The following C8orf76 variants were observed in gnomAD, a reference collection of about 807,000 sequenced individuals.
C8orf76 encodes the protein uncharacterized protein C8orf76.
C8orf76 carries 46 observed loss-of-function variants against 38.1 expected under a neutral mutation model. That is an observed-to-expected ratio of 1.21 (90% confidence interval 0.95 to 1.54). The LOEUF (loss-of-function observed/expected upper bound fraction) is 1.54, where lower values mean the gene tolerates loss of function less well. C8orf76 is among the 40% of genes most tolerant of loss of function. The probability of loss-of-function intolerance (pLI) is 0.00; values close to 1 mark genes in which losing one functional copy is unlikely to be tolerated. For missense variants in C8orf76, 461 were observed against 441.6 expected, an observed-to-expected ratio of 1.04 and a Z score of -0.39; for synonymous variants, 166 against 167.5, an observed-to-expected ratio of 0.99 and a Z score of 0.07.
At chr8:123,224,704 A>C (rs1020303392) in intron 5 of C8orf76, among the ~76,000 whole-genome samples, 2 of 152,272 alleles carry the variant, frequency 1.3e-5, no homozygotes, top group African/African-American at 4.8e-5. Flanking sequence ...AAAAAGCTCC[A>C]CTGGTATATC....
Position 123,228,950 on chromosome 8 carries a change from C to T in C8orf76, c.816-2318G>A, listed in dbSNP as rs976837517. On this transcript the variant is annotated intron_variant, in intron 4 of 5. Coordinates refer to ENST00000276704, the MANE Select transcript of C8orf76 (RefSeq NM_032847.3). ...TTAAGGAATGTGTGCAAGGTCAGAC[C>T]GCTTGCAAGAGTTCAGGTTCATCCA... 4.6e-5 allele frequency among the ~76,000 whole-genome samples: 7 copies of T among 152,174 alleles called. No individual in the cohort carries two copies. The South Asian group carries it at 6.2e-4, about 14-fold the overall frequency.
intron 5 of C8orf76, among the ~76,000 whole-genome samples, chr8:123,224,902 C>T (rs910291600): frequency 6.6e-6 from 1 of 152,176 alleles, no homozygotes; most frequent in Non-Finnish European, 1.5e-5. Context: ...CAATCACTAT[C>T]TGAGCTCAGA....
chr8:123,223,213 T>C (rs1049090085), intron 5 of C8orf76, among the ~76,000 whole-genome samples: 8 of 152,158 alleles, frequency 5.3e-5, no homozygotes, highest in East Asian at 1.9e-4. Context: ...TATCAGAACA[T>C]AGAAAATAAA....
chr8:123,236,841 C>A, intron 3 of C8orf76: 1 of 723,314 alleles, frequency 1.4e-6, no homozygotes, highest in Non-Finnish European at 2.5e-6. Context: ...TGCCGAGCTC[C>A]AGATGCAGAG....
chr8:123,229,368 G>A (rs1005230226), intron 4 of C8orf76, among the ~76,000 whole-genome samples: 1 of 152,128 alleles, frequency 6.6e-6, no homozygotes, highest in Non-Finnish European at 1.5e-5. Flanking sequence ...AGAGTCATGA[G>A]GATTAAAATG....
rs951076805 is a variant in C8orf76 at position 123,231,444 on chromosome 8, G to A, written c.671C>T (p.Ser224Phe). The stretch of plus-strand genomic sequence containing the variant: ...GCTATTCGCTTCCACAGAAAATAAA[G>A]AGCTCTCAGGCAAGGTTTCAGGAAA... ...LCFPETLPES[S>F]LFSVEANSSN... Residue 224 changes from serine to phenylalanine, a missense_variant, in exon 4 of 6, where the codon TCT (serine) becomes TTT (phenylalanine). Physicochemically the swap from Ser to Phe is radical, Grantham distance 155. Coordinates refer to ENST00000276704, the MANE Select transcript of C8orf76 (RefSeq NM_032847.3). The A allele has an allele frequency of 8.7e-6, 14 of 1,614,190 alleles. No individual in the cohort carries two copies. The highest frequency in any genetic ancestry group is 1.1e-5 in the South Asian group (1 of 91,084).
At chr8:123,230,195 T>A (rs1332209443) in intron 4 of C8orf76, among the ~76,000 whole-genome samples, 7 of 152,152 alleles carry the variant, frequency 4.6e-5, no homozygotes, top group Non-Finnish European at 7.3e-5. Context: ...TCAAGTGTAT[T>A]CTCCCTACCC....
chr8:123,229,608 A>C (rs1245337057), intron 4 of C8orf76, among the ~76,000 whole-genome samples: 1 of 152,328 alleles, frequency 6.6e-6, no homozygotes, highest in Middle Eastern at 3.4e-3. Context: ...CTGCTTTTTA[A>C]ATGATCTTTG....
intron 4 of C8orf76, among the ~76,000 whole-genome samples, chr8:123,228,060 A>G (rs1464516723): frequency 3.3e-5 from 5 of 151,914 alleles, no homozygotes; most frequent in Non-Finnish European, 5.9e-5. Flanking sequence ...CAGATGTCCT[A>G]TCTCAGCGGA....
intron 4 of C8orf76, among the ~76,000 whole-genome samples, chr8:123,227,823 G>T (rs990021702): frequency 3.3e-5 from 5 of 152,276 alleles, no homozygotes; most frequent in African/African-American, 1.2e-4. Flanking sequence ...GAAGCCATCC[G>T]GGCGTTTCAG....
Position 123,241,243 on chromosome 8 carries a change from A to G in C8orf76, c.104T>C (p.Leu35Pro). 1 of 1,588,372 alleles carries G rather than the reference A, an allele frequency of 6.3e-7. No homozygotes were observed. Among genetic ancestry groups the G allele is most frequent in the South Asian group, 1.1e-5 (1 of 89,856 alleles). Residue 35 changes from leucine to proline, a missense_variant, in exon 1 of 6, where the codon CTC becomes CCC. Physicochemically the swap from Leu to Pro is moderately conservative, Grantham distance 98. Transcript: ENST00000276704. The part of the protein sequence containing the change: ...SGPPASYCAK[L>P]CEPQWFYEET... ...CCAGCTTCTCACCTGCGGCTCGCAG[A>G]GCTTGGCGCAGTAGGACGCGGGCGG...
chr8:123,231,197 A>G, intron 4 of C8orf76, 103 bp downstream of exon 4: 1 of 1,387,934 alleles, frequency 7.2e-7, no homozygotes, highest in African/African-American at 1.4e-5. Context: ...TCAAAAATAT[A>G]TACCAAATGT....
At chr8:123,235,766 G>A (rs1825448152) in intron 3 of C8orf76, among the ~76,000 whole-genome samples, 3 of 152,152 alleles carry the variant, frequency 2.0e-5, no homozygotes, top group East Asian at 1.9e-4. Context: ...TAAGCTAGAA[G>A]GAACCAGAGA....
intron 3 of C8orf76, among the ~76,000 whole-genome samples, chr8:123,233,207 CA>C (rs925418374): frequency 1.4e-4 from 22 of 151,828 alleles, no homozygotes; most frequent in African/African-American, 5.3e-4. Context: ...AAAGTAAAGA[CA>C]GGGTTTTGCC....
In C8orf76 at chr8:123,227,750, G is replaced by A. The variant is rs1409184958; in HGVS notation, c.816-1118C>T. On this transcript the variant is annotated intron_variant, in intron 4 of 5. Coordinates refer to ENST00000276704, the MANE Select transcript of C8orf76 (RefSeq NM_032847.3). ...AAATGAGGTGGGAAAAAAAAGCAGG[G>A]CCAATTCAAATCAGACCTTGCAGGC... Among the ~76,000 whole-genome samples, 8 of 152,042 alleles carry A rather than the reference G, an allele frequency of 5.3e-5. No individual in the cohort carries two copies. In the East Asian group the frequency reaches 1.5e-3, roughly 29 times the overall value.
chr8:123,237,070 G>A, intron 3 of C8orf76: 1 of 1,203,160 alleles, frequency 8.3e-7, no homozygotes, highest in Admixed American at 1.7e-5. Flanking sequence ...GCATTACTGA[G>A]CCTTCCCTCC....
intron 1 of C8orf76, 75 bp downstream of exon 1, chr8:123,241,155 C>G: frequency 7.0e-7 from 1 of 1,430,094 alleles, no homozygotes; most frequent in South Asian, 1.3e-5. Context: ...ACGGAGGGGC[C>G]GAGGCCGGGG....
At chr8:123,237,593 C>T (rs187159024) in intron 3 of C8orf76, among the ~76,000 whole-genome samples, 2 of 152,118 alleles carry the variant, frequency 1.3e-5, no homozygotes, top group African/African-American at 4.8e-5. Flanking sequence ...GAGCATGACA[C>T]AAGAAAAATA....
At chr8:123,237,053 C>A in intron 3 of C8orf76, 2 of 1,306,240 alleles carry the variant, frequency 1.5e-6, no homozygotes, top group Non-Finnish European at 2.2e-6. Flanking sequence ...GCTGCGCCTG[C>A]GAGGTGGCAT....
Sources: allele counts gnomAD v4.1 joint callset (sites outside exome capture counted in the v4.1 genomes callset), GRCh38; gene constraint gnomAD v4.1.1; transcripts MANE v1.5; gene names NCBI Gene and HGNC (gene_info 2026-07-23, HGNC 2026-07-21).